GNA14: variants seen among roughly 807,000 people sequenced by gnomAD.
GNA14 encodes G protein subunit alpha 14, also known as guanine nucleotide-binding protein subunit alpha-14.
A neutral mutation model predicts 42.0 loss-of-function variants in GNA14; 50 were observed. The observed-to-expected ratio is 1.19, with a 90% CI of 0.95 to 1.51. GNA14 has a LOEUF of 1.51. GNA14 is among the 40% of genes most tolerant of loss of function. The probability of loss-of-function intolerance (pLI) is 0.00; values close to 1 mark genes in which losing one functional copy is unlikely to be tolerated. For synonymous variants in GNA14, 173 were observed against 163.1 expected (o/e 1.06, Z -0.46); for missense variants, 473 against 446.2 (o/e 1.06, Z -0.54).
intron 2 of GNA14, among the ~76,000 whole-genome samples, chr9:77,515,587 ATTTG>A (rs1367068964): frequency 3.3e-5 from 5 of 152,162 alleles, no homozygotes; most frequent in South Asian, 2.1e-4. Context: ...TTCAAAAGGT[ATTTG>A]TTTGTTTGTT....
chr9:77,629,032 G>A (rs375430083), intron 1 of GNA14, among the ~76,000 whole-genome samples: 18 of 151,544 alleles, frequency 1.2e-4, no homozygotes, highest in African/African-American at 3.9e-4. Flanking sequence ...GAATTTAAAC[G>A]AATTTACAAG....
chr9:77,548,443 G>A (rs369506034), intron 1 of GNA14, among the ~76,000 whole-genome samples: 5 of 152,098 alleles, frequency 3.3e-5, no homozygotes, highest in African/African-American at 7.2e-5. Flanking sequence ...AATTCATCAC[G>A]AATTGGAGTG....
chr9:77,518,665 C>T (rs1265915646), intron 2 of GNA14, among the ~76,000 whole-genome samples: 1 of 152,180 alleles, frequency 6.6e-6, no homozygotes, highest in Non-Finnish European at 1.5e-5. Flanking sequence ...CTTAACTATG[C>T]AAATGATTAG....
intron 1 of GNA14, among the ~76,000 whole-genome samples, chr9:77,642,458 C>T (rs1824282011): frequency 1.3e-5 from 2 of 152,134 alleles, no homozygotes; most frequent in South Asian, 4.1e-4. Flanking sequence ...ACACAATACT[C>T]ACATAACTGG....
Position 77,490,080 on chromosome 9 carries a change from C to T in GNA14, c.309+38989G>A, listed in dbSNP as rs186128237. On this transcript the variant is annotated intron_variant, in intron 2 of 6. Coordinates refer to ENST00000341700, the MANE Select transcript of GNA14 (RefSeq NM_004297.4). ...ACCAGAGCAGCTAGATACAGAGTGT[C>T]GATTGGTGCACTCACAAACCTTGAG... 2.4e-3 allele frequency among the ~76,000 whole-genome samples: 362 copies of T among 151,782 alleles called. 1 individual carries two copies. The highest frequency in any genetic ancestry group is 0.01 in the Middle Eastern group (3 of 294).
intron 2 of GNA14, among the ~76,000 whole-genome samples, chr9:77,445,782 C>T (rs1453955771): frequency 1.3e-5 from 2 of 151,994 alleles, no homozygotes; most frequent in Non-Finnish European, 2.9e-5. Flanking sequence ...TGTACGTGCC[C>T]AGGGGCCATT....
At chr9:77,644,418 A>G (rs1215730072) in intron 1 of GNA14, among the ~76,000 whole-genome samples, 1 of 140,536 alleles carries the variant, frequency 7.1e-6, no homozygotes, top group Non-Finnish European at 1.5e-5. Flanking sequence ...GTATTACTGA[A>G]CTCCAACCTA....
At chr9:77,460,663 C>T (rs1034804052) in intron 2 of GNA14, among the ~76,000 whole-genome samples, 2 of 151,930 alleles carry the variant, frequency 1.3e-5, no homozygotes, top group Non-Finnish European at 2.9e-5. Context: ...GCTGTGGGGA[C>T]GAGTACGCAG....
At chr9:77,518,306 T>G (rs1479357184) in intron 2 of GNA14, among the ~76,000 whole-genome samples, 1 of 152,176 alleles carries the variant, frequency 6.6e-6, no homozygotes, top group Non-Finnish European at 1.5e-5. Context: ...AAGAAAAACT[T>G]TCTCATTTGG....
At chr9:77,481,884 C>T (rs370763834) in intron 2 of GNA14, among the ~76,000 whole-genome samples, 2 of 151,922 alleles carry the variant, frequency 1.3e-5, no homozygotes, top group African/African-American at 2.4e-5. Flanking sequence ...CTGCCTTTTT[C>T]TGTTTTCCAT....
intron 2 of GNA14, among the ~76,000 whole-genome samples, chr9:77,520,235 C>CT (rs1237325802): frequency 1.3e-5 from 2 of 152,142 alleles, no homozygotes; most frequent in African/African-American, 4.8e-5. Context: ...ACCTGAATCC[C>CT]TTGGCAGGAC....
chr9:77,441,935 AAGG>A (rs1284665405), intron 2 of GNA14, among the ~76,000 whole-genome samples: 1 of 152,262 alleles, frequency 6.6e-6, no homozygotes, highest in Non-Finnish European at 1.5e-5. Flanking sequence ...ATGCCAGAGA[AAGG>A]AGTTTTTCCT....
intron 2 of GNA14, among the ~76,000 whole-genome samples, chr9:77,498,373 CAA>C (rs766816001): frequency 1.8e-5 from 1 of 54,136 alleles, no homozygotes; most frequent in African/African-American, 7.0e-5. Context: ...AAGTCTGTCT[CAA>C]AAAAAAAAAA....
chr9:77,610,886 A>G (rs1317926997), intron 1 of GNA14, among the ~76,000 whole-genome samples: 3 of 152,146 alleles, frequency 2.0e-5, no homozygotes, highest in Non-Finnish European at 4.4e-5. Flanking sequence ...TTCCTCTCTC[A>G]TTTGTGTGAA....
chr9:77,467,650 CT>C (rs3052383), intron 2 of GNA14, among the ~76,000 whole-genome samples: 12,151 of 139,504 alleles, frequency 0.087, 1,391 homozygotes, highest in African/African-American at 0.26. Flanking sequence ...CGGAGCTCTC[CT>C]TTTTTTTTTT....
At chr9:77,589,650 G>A (rs1260772920) in intron 1 of GNA14, among the ~76,000 whole-genome samples, 1 of 152,066 alleles carries the variant, frequency 6.6e-6, no homozygotes, top group Non-Finnish European at 1.5e-5. Context: ...CTCGGGCTAT[G>A]GCCTGTAGTC....
intron 2 of GNA14, chr9:77,526,836 G>A (rs1300692081): frequency 1.3e-5 from 2 of 152,208 alleles, no homozygotes; most frequent in African/African-American, 2.4e-5. Context: ...AGATGGCCTA[G>A]ACAAAATAAT....
chr9:77,588,048 C>T (rs1430306690), intron 1 of GNA14, among the ~76,000 whole-genome samples: 13 of 152,186 alleles, frequency 8.5e-5, no homozygotes, highest in Non-Finnish European at 1.5e-4. Flanking sequence ...CTTCAGTCAT[C>T]ACATCGTCTT....
At chr9:77,525,540 C>T (rs558769998) in intron 2 of GNA14, among the ~76,000 whole-genome samples, 215 of 137,098 alleles carry the variant, frequency 1.6e-3, no homozygotes, top group Non-Finnish European at 2.6e-3. Flanking sequence ...ATGGTTTGTT[C>T]TTTTTTTTTT....
Sources: gnomAD v4.1 joint callset for allele counts (sites outside exome capture counted in the v4.1 genomes callset) on GRCh38, gnomAD v4.1.1 for gene constraint, MANE v1.5 for transcripts, NCBI Gene and HGNC (gene_info 2026-07-23, HGNC 2026-07-21) for gene names.